IFT20: variants seen among roughly 807,000 people sequenced by gnomAD.
The protein encoded by IFT20 is intraflagellar transport 20.
IFT20 carries 4 observed loss-of-function variants against 16.9 expected under a neutral mutation model. The ratio of observed to expected loss-of-function variants is 0.24; its 90% CI spans 0.12 to 0.54. The LOEUF (loss-of-function observed/expected upper bound fraction) is 0.54, where lower values mean the gene tolerates loss of function less well. Ranked by LOEUF, IFT20 falls within the 20% of genes least tolerant of loss-of-function variation. The pLI is 0.95. For missense variants in IFT20, 154 were observed against 149.7 expected (o/e 1.03, Z -0.15); for synonymous variants, 48 against 49.9 (o/e 0.96, Z 0.16).
rs140986417 is a variant in IFT20, at chr17:28,329,770, A to G, written c.214-494T>C. On this transcript the variant is annotated intron_variant, in intron 3 of 4. Coordinates refer to ENST00000395418, the MANE Select transcript of IFT20 (RefSeq NM_001267776.2). ...GTGAAACCCCATCTTTACTAAAAAT[A>G]CAAAAAAATGGCCGGGCGCAGTCAC... The G allele has an allele frequency of 5.3e-3, 880 of 166,072 alleles. 9 individuals carry two copies. The highest frequency in any genetic ancestry group is 0.027 in the Admixed American group (432 of 15,906). The allele number at this position is 166,072 out of a possible 1,614,324, so 10.3% of individuals were successfully genotyped here.
chr17:28,333,347 T>C (rs1906920346), intron 1 of IFT20, among the ~76,000 whole-genome samples: 1 of 152,202 alleles, frequency 6.6e-6, no homozygotes, highest in African/African-American at 2.4e-5. Flanking sequence ...CCAGGGCAGG[T>C]GTGCCAAGGA....
intron 1 of IFT20, 21 bp from the exon 2 acceptor site, chr17:28,332,008 T>C: frequency 1.2e-6 from 2 of 1,614,102 alleles, no homozygotes; most frequent in African/African-American, 1.3e-5. Context: ...ACAGGCCCAA[T>C]TCCTCATCAC....
Position 28,329,180 on chromosome 17 carries a change from G to A in IFT20, c.310C>T (p.Leu104=). Reference sequence around the variant, plus strand: ...TACATCATGACTTCTTACCTTTCTAGCTGCATTTTCTTTTCTGCTATTAGG... The same window carrying A: ...TACATCATGACTTCTTACCTTTCTAACTGCATTTTCTTTTCTGCTATTAGG... ...QALIAEKKMQ[L]ERYRVEYEAL... Residue 104 remains leucine (L), a synonymous_variant, in exon 4 of 5, where the codon CTA becomes TTA. Coordinates refer to ENST00000395418, the MANE Select transcript of IFT20 (RefSeq NM_001267776.2). 6.2e-7 allele frequency: 1 copy of A among 1,611,862 alleles called. No individual in the cohort carries two copies. The highest frequency in any genetic ancestry group is 1.1e-5 in the South Asian group (1 of 90,966).
At chr17:28,330,174 T>TG (rs1259715806) in intron 3 of IFT20, 3 of 626,188 alleles carry the variant, frequency 4.8e-6, no homozygotes, top group Non-Finnish European at 8.5e-6. Flanking sequence ...AGGCAGAGCT[T>TG]GCAGTGAGCC....
Sources: gnomAD v4.1 joint callset for allele counts (sites outside exome capture counted in the v4.1 genomes callset) on GRCh38, gnomAD v4.1.1 for gene constraint, MANE v1.5 for transcripts, NCBI Gene and HGNC (gene_info 2026-07-23, HGNC 2026-07-21) for gene names.